Variants in AFF1 observed in about 807,000 individuals in gnomAD.
The protein encoded by AFF1 is ALF transcription elongation factor 1.
Under a neutral mutation model 121.7 loss-of-function variants are expected in AFF1, and 48 were observed. The ratio of observed to expected loss-of-function variants is 0.39; its 90% CI spans 0.31 to 0.50. AFF1 has a LOEUF of 0.50. AFF1 is among the 20% of genes least tolerant of loss of function. The probability of loss-of-function intolerance (pLI) is 0.76; values close to 1 mark genes in which losing one functional copy is unlikely to be tolerated. For missense variants in AFF1, 1,523 were observed against 1,511.7 expected (o/e 1.01, Z -0.12); for synonymous variants, 613 against 563.0 (o/e 1.09, Z -1.26).
At position 87,047,235 on chromosome 4, in the gene AFF1, A is replaced by G. The variant is rs776604842; in HGVS notation, c.700A>G (p.Ser234Gly). ...GCAAACTCTTCCCCGGACGCAAGGA[A>G]GCAGCAAGGTTCATGGCAGCAGCAA... ...NQQTLPRTQGSSKVHGSSNNS... is the reference protein window; with the variant it reads ...NQQTLPRTQGGSKVHGSSNNS... Residue 234 changes from serine (S) to glycine (G), a missense_variant, in exon 4 of 21, where the codon AGC (serine) becomes GGC (glycine). Around this residue, in one of 5 missense-constraint regions of AFF1, gnomAD observed 369 missense variants for 367.2 expected, o/e 1.00. Coordinates refer to ENST00000395146, the MANE Select transcript of AFF1 (RefSeq NM_001166693.3). 1.2e-6 allele frequency: 2 copies of G among 1,614,194 alleles called. No homozygotes were observed. The highest frequency in any genetic ancestry group is 1.7e-6 in the Non-Finnish European group (2 of 1,180,044).
At chr4:87,132,060 A>G (rs868054028) in intron 18 of AFF1, among the ~76,000 whole-genome samples, 196 bp downstream of exon 18, 1 of 152,250 alleles carries the variant, frequency 6.6e-6, no homozygotes. Context: ...TGGCTTGGTA[A>G]ATGCTTTGGT....
intron 8 of AFF1, among the ~76,000 whole-genome samples, chr4:87,100,776 T>C (rs549906069): frequency 2.0e-5 from 3 of 152,324 alleles, no homozygotes; most frequent in South Asian, 4.1e-4. Flanking sequence ...TAGAGTAATA[T>C]TTTAGATTTT....
chr4:87,076,647 G>C (rs552579731), intron 4 of AFF1, among the ~76,000 whole-genome samples: 2 of 152,092 alleles, frequency 1.3e-5, no homozygotes, highest in Non-Finnish European at 2.9e-5. Flanking sequence ...TTAATCTTTA[G>C]CATGGCTGTT....
At chr4:87,067,488 A>G (rs1721478470) in intron 4 of AFF1, among the ~76,000 whole-genome samples, 1 of 152,256 alleles carries the variant, frequency 6.6e-6, no homozygotes, top group South Asian at 2.1e-4. Flanking sequence ...GATGGACTAC[A>G]GTGAGAAGTG....
chr4:87,051,157 A>T (rs981574427), intron 4 of AFF1, among the ~76,000 whole-genome samples: 4 of 152,242 alleles, frequency 2.6e-5, no homozygotes, highest in Non-Finnish European at 5.9e-5. Context: ...AAGGTCTTAA[A>T]GGGTAAAGTC....
At chr4:87,090,093 G>A (rs1475582379) in intron 6 of AFF1, 23 bp downstream of exon 6, 2 of 1,576,990 alleles carry the variant, frequency 1.3e-6, no homozygotes, top group African/African-American at 2.7e-5. Flanking sequence ...AAGTATGGCA[G>A]GCATTGCATC....
rs1729872502 is a variant in AFF1 at position 87,039,286 on chromosome 4, C to T, written c.39-6880C>T. Among the ~76,000 whole-genome samples the T allele has an allele frequency of 3.9e-5, 6 of 152,196 alleles. No individual in the cohort carries two copies. In the South Asian group the frequency reaches 1.2e-3, roughly 32 times the overall value. On this transcript the variant is annotated intron_variant, in intron 2 of 20. Coordinates refer to ENST00000395146, the MANE Select transcript of AFF1 (RefSeq NM_001166693.3). ...ACCACAATATTTTAAACACATCCAT[C>T]CCTACCCCCAAGAAGCATTTGAAAA...
In AFF1 at chr4:87,021,298, G is replaced by A. The variant is rs1355497795; in HGVS notation, c.39-24868G>A. On this transcript the variant is annotated intron_variant, in intron 2 of 20. Coordinates refer to ENST00000395146, the MANE Select transcript of AFF1 (RefSeq NM_001166693.3). ...TTGTAGATTTTCATGGAATGGGAAA[G>A]GCTAAAGTAGAGGGCCAGGGACTCC... 2.0e-5 allele frequency among the ~76,000 whole-genome samples: 3 copies of A among 152,166 alleles called. No homozygotes were observed. In the East Asian group the frequency reaches 5.8e-4, roughly 29 times the overall value.
At chr4:87,009,137 C>G (rs1016739678) in intron 2 of AFF1, among the ~76,000 whole-genome samples, 9 of 152,178 alleles carry the variant, frequency 5.9e-5, no homozygotes, top group Admixed American at 6.5e-5. Flanking sequence ...CTGCTGTGTG[C>G]CAGGCACAGC....
chr4:86,947,058 CA>C (rs1415965204), intron 1 of AFF1, among the ~76,000 whole-genome samples: 6 of 152,012 alleles, frequency 3.9e-5, no homozygotes, highest in South Asian at 2.1e-4. Flanking sequence ...GCAGCAAAGG[CA>C]GGGGTAGAGC....
chr4:86,990,458 CAT>C lies in AFF1; in HGVS notation c.38+41889_38+41890del, dbSNP rs140670810. On this transcript the variant is annotated intron_variant, in intron 2 of 20. Coordinates refer to ENST00000395146, the MANE Select transcript of AFF1 (RefSeq NM_001166693.3). ...TGATATCAAAGCGGTGTGAAGAAAACATAAGGCCATAAGACTAATCTCTGGAG... is the reference window on the plus strand; with the variant it reads ...TGATATCAAAGCGGTGTGAAGAAAACAAGGCCATAAGACTAATCTCTGGAG... Among the ~76,000 whole-genome samples the C allele has an allele frequency of 8.4e-4, 128 of 151,942 alleles. No homozygotes were observed. In the South Asian group the frequency reaches 0.011, roughly 13 times the overall value.
chr4:87,134,236 T>A (rs1729101906), intron 19 of AFF1, among the ~76,000 whole-genome samples: 1 of 152,152 alleles, frequency 6.6e-6, no homozygotes, highest in Non-Finnish European at 1.5e-5. Context: ...ACTAGGAGAT[T>A]CCAGGCAGAG....
chr4:87,057,490 A>G (rs934372568), intron 4 of AFF1, among the ~76,000 whole-genome samples: 1 of 152,118 alleles, frequency 6.6e-6, no homozygotes. Context: ...TACTGAGGTA[A>G]TCTTTGAATT....
intron 12 of AFF1, 79 bp from the exon 13 acceptor site, chr4:87,124,957 GC>G: frequency 4.0e-6 from 5 of 1,241,738 alleles, no homozygotes; most frequent in Non-Finnish European, 4.4e-6. Flanking sequence ...TACCCTCTTT[GC>G]CTTTTCTATA....
intron 2 of AFF1, among the ~76,000 whole-genome samples, chr4:87,015,820 G>C (rs1477467331): frequency 6.6e-6 from 1 of 152,200 alleles, no homozygotes; most frequent in African/African-American, 2.4e-5. Context: ...TTTTCTCTCT[G>C]AGGTCACTCG....
Position 87,136,209 on chromosome 4 carries a change from T to C in AFF1, c.*508T>C, listed in dbSNP as rs1439279381. ...GGAGAAATATTTGTTTAGTAACTTC[T>C]AATGGCCATCTGTAAACCATAAGTA... On this transcript the variant is annotated 3_prime_UTR_variant, in exon 21 of 21. Coordinates refer to ENST00000395146, the MANE Select transcript of AFF1 (RefSeq NM_001166693.3). 2 of 231,928 alleles carry C rather than the reference T, an allele frequency of 8.6e-6. No homozygotes were observed. Among genetic ancestry groups the C allele is most frequent in the Non-Finnish European group, 1.7e-5 (2 of 117,310 alleles). 14.4% of individuals were successfully genotyped at this position (231,928 alleles called of 1,614,324 possible).
At chr4:86,940,132 C>T (rs989678014) in intron 1 of AFF1, among the ~76,000 whole-genome samples, 32 of 152,166 alleles carry the variant, frequency 2.1e-4, no homozygotes, top group African/African-American at 7.5e-4. Context: ...CTAGCCTGGG[C>T]AACAAAGTGA....
chr4:86,962,640 T>C (rs1014835001), intron 2 of AFF1, among the ~76,000 whole-genome samples: 1 of 152,086 alleles, frequency 6.6e-6, no homozygotes, highest in Non-Finnish European at 1.5e-5. Context: ...CTCTGAAGCA[T>C]TGTCTGGGAC....
chr4:86,967,580 G>T (rs1722620554), intron 2 of AFF1, among the ~76,000 whole-genome samples: 1 of 152,124 alleles, frequency 6.6e-6, no homozygotes, highest in South Asian at 2.1e-4. Flanking sequence ...GCAACCCATT[G>T]TGGGGATATG....
Sources: allele counts gnomAD v4.1 joint callset (sites outside exome capture counted in the v4.1 genomes callset), GRCh38; gene constraint gnomAD v4.1.1; regional missense constraint gnomAD v4.1.1; transcripts MANE v1.5; gene names NCBI Gene and HGNC (gene_info 2026-07-23, HGNC 2026-07-21).